Variants in ZNF135 observed in about 807,000 individuals in gnomAD.
ZNF135 encodes zinc finger protein 135, also known as zinc finger protein 135 (clone pHZ-17).
ZNF135 carries 11 observed loss-of-function variants against 12.3 expected under a neutral mutation model. The ratio of observed to expected loss-of-function variants is 0.89; its 90% CI spans 0.56 to 1.48. The LOEUF is 1.48. ZNF135 is among the 40% of genes most tolerant of loss of function. The pLI is 0.00. For missense variants in ZNF135, 722 were observed against 815.7 expected (o/e 0.89, Z 1.40); for synonymous variants, 316 against 312.0 (o/e 1.01, Z -0.14).
chr19:58,061,603 G>A lies in ZNF135; in HGVS notation c.57G>A (p.Val19=). Residue 19 remains valine, a synonymous_variant, in exon 3 of 5, where the codon GTG becomes GTA. Coordinates refer to ENST00000313434, the MANE Select transcript of ZNF135 (RefSeq NM_001289401.2). Reference sequence around the variant, plus strand: ...AGGAGCAAGTGACGTTTGAGGACGTGGTAGTGGGCTTCAGCCAGGAGGAGT... The same window carrying A: ...AGGAGCAAGTGACGTTTGAGGACGTAGTAGTGGGCTTCAGCCAGGAGGAGT... ...TDPEQVTFED[V]VVGFSQEEWG... 1 of 1,613,576 alleles carries A rather than the reference G, an allele frequency of 6.2e-7. No homozygotes were observed. Among genetic ancestry groups the A allele is most frequent in the Non-Finnish European group, 8.5e-7 (1 of 1,179,770 alleles).
Position 58,060,098 on chromosome 19 carries a change from CT to C in ZNF135, c.33+65del. ...CGTGCCCGGCCTCCTCGCGCGCGGC[CT>C]TCTCACGCCCGGCCTCCTCTTTGCA... On this transcript the variant is annotated intron_variant, in intron 2 of 4. Transcript: ENST00000313434. This position sits in a 1 kb window ranked among gnomAD's most constrained non-coding sequence, Gnocchi z 4.9. The C allele has an allele frequency of 6.2e-7, 1 of 1,605,278 alleles. No individual in the cohort carries two copies.
chr19:58,067,007 C>T lies in ZNF135; in HGVS notation c.523C>T (p.Leu175Phe), dbSNP rs751417360. ...FGENISLNPD[L>F]PHQPMTPERQ... Reference sequence around the variant, plus strand: ...GGAAAACATAAGTCTGAACCCTGATCTCCCACATCAACCAATGACTCCTGA... The same window carrying T: ...GGAAAACATAAGTCTGAACCCTGATTTCCCACATCAACCAATGACTCCTGA... The change falls in exon 5 of 5, where the codon CTC (leucine) becomes TTC (phenylalanine). Residue 175 changes from leucine to phenylalanine, a missense_variant. Leu to Phe is a conservative substitution (Grantham distance 22). Coordinates refer to ENST00000313434, the MANE Select transcript of ZNF135 (RefSeq NM_001289401.2). The T allele has an allele frequency of 1.2e-6, 2 of 1,614,196 alleles. No homozygotes were observed. Among genetic ancestry groups the T allele is most frequent in the Admixed American group, 3.3e-5 (2 of 60,032 alleles).
Position 58,067,031 on chromosome 19 carries a change from G to A in ZNF135, c.547G>A (p.Glu183Lys), listed in dbSNP as rs768046446. 1.2e-6 allele frequency: 2 copies of A among 1,614,180 alleles called. No individual in the cohort carries two copies. Among genetic ancestry groups the A allele is most frequent in the Non-Finnish European group, 1.7e-6 (2 of 1,180,032 alleles). The change falls in exon 5 of 5, where the codon GAA becomes AAA. Residue 183 changes from glutamate to lysine, a missense_variant. Glu to Lys is a moderately conservative substitution (Grantham distance 56). Coordinates refer to ENST00000313434, the MANE Select transcript of ZNF135 (RefSeq NM_001289401.2). The part of the protein sequence containing the change: ...PDLPHQPMTP[E>K]RQSPHTWGTR... The stretch of plus-strand genomic sequence containing the variant: ...TCTCCCACATCAACCAATGACTCCT[G>A]AAAGACAAAGCCCCCACACATGGGG...
intron 2 of ZNF135, among the ~76,000 whole-genome samples, chr19:58,061,094 C>T (rs896108324): frequency 2.0e-5 from 3 of 151,158 alleles, no homozygotes; most frequent in Non-Finnish European, 2.9e-5. Context: ...TGCCACTGCA[C>T]TCTAGCCTGG....
At position 58,060,176 on chromosome 19, in the gene ZNF135, G is replaced by T; in HGVS notation, c.33+141G>T. 1 of 1,520,794 alleles carries T rather than the reference G, an allele frequency of 6.6e-7. No individual in the cohort carries two copies. Among genetic ancestry groups the T allele is most frequent in the African/African-American group, 1.4e-5 (1 of 72,006 alleles). 94.2% of individuals were successfully genotyped at this position (1,520,794 alleles called of 1,614,324 possible). ...CTCCTTGTGCCCGGCCCCTACTTGC[G>T]TGCCCGGCCCCTACTCGTGCCCGGC... On this transcript the variant is annotated intron_variant, in intron 2 of 4. Coordinates refer to ENST00000313434, the MANE Select transcript of ZNF135 (RefSeq NM_001289401.2). This position sits in a 1 kb window ranked among gnomAD's most constrained non-coding sequence, Gnocchi z 4.9.
chr19:58,068,323 G>T lies in ZNF135; in HGVS notation c.1839G>T (p.Lys613Asn). The T allele has an allele frequency of 6.2e-7, 1 of 1,613,520 alleles. No individual in the cohort carries two copies. The highest frequency in any genetic ancestry group is 8.5e-7 in the Non-Finnish European group (1 of 1,179,854). Residue 613 changes from lysine to asparagine, a missense_variant, in exon 5 of 5, where the codon AAG (lysine) becomes AAT (asparagine). Lys to Asn is a moderately conservative substitution (Grantham distance 94, BLOSUM62 0). Transcript: ENST00000313434. ...EKPYECHDCGKSFRQSTHLTQ... is the reference protein window; with the variant it reads ...EKPYECHDCGNSFRQSTHLTQ... ...CCTATGAGTGTCACGATTGCGGAAA[G>T]TCCTTTAGGCAGAGCACCCACCTCA...
intron 4 of ZNF135, among the ~76,000 whole-genome samples, chr19:58,066,447 TCA>T (rs2074067233): frequency 6.6e-6 from 1 of 152,110 alleles, no homozygotes; most frequent in Non-Finnish European, 1.5e-5. Flanking sequence ...TGTGCTCCCC[TCA>T]CAGACTCCAT....
intron 2 of ZNF135, among the ~76,000 whole-genome samples, chr19:58,061,211 G>A (rs2073974505): frequency 6.6e-6 from 1 of 152,052 alleles, no homozygotes; most frequent in Non-Finnish European, 1.5e-5. Flanking sequence ...AGGCTGAAGT[G>A]CAGTGATGCA....
chr19:58,063,590 T>G lies in ZNF135; in HGVS notation c.256+49T>G. 1 of 1,610,438 alleles carries G rather than the reference T, an allele frequency of 6.2e-7. No homozygotes were observed. ...AGAGAGAAGCCTGTCCATGCTTGCT[T>G]CCTGGTTTCTCCCTCTGCATCTGCT... On this transcript the variant is annotated intron_variant, in intron 4 of 4. Transcript: ENST00000313434. This position sits in a 1 kb window ranked among gnomAD's most constrained non-coding sequence, Gnocchi z 4.4.
chr19:58,063,340 G>A lies in ZNF135; in HGVS notation c.161-106G>A. ...GGGTATGACAGCTGAAGTCACTCAG[G>A]GGTCCCCAGCCATCTGGGACCTGGA... On this transcript the variant is annotated intron_variant, in intron 3 of 4. Transcript: ENST00000313434. This position sits in a 1 kb window ranked among gnomAD's most constrained non-coding sequence, Gnocchi z 4.4. The A allele has an allele frequency of 6.6e-7, 1 of 1,507,862 alleles. No individual in the cohort carries two copies. The highest frequency in any genetic ancestry group is 8.9e-7 in the Non-Finnish European group (1 of 1,123,162). 93.4% of individuals were successfully genotyped at this position (1,507,862 alleles called of 1,614,324 possible).
In ZNF135 at chr19:58,059,824, C is replaced by A; in HGVS notation, c.-34-145C>A. 1.0e-6 allele frequency: 1 copy of A among 984,200 alleles called. No homozygotes were observed. The highest frequency in any genetic ancestry group is 1.7e-5 in the South Asian group (1 of 58,182). The allele number at this position is 984,200 out of a possible 1,614,324, so 61.0% of individuals were successfully genotyped here. A position where few individuals can be genotyped will look rare whatever the true frequency, so the allele number is the denominator to read the frequency against. ...TGCCCTTCTCCGAGCGGAGGGCCGC[C>A]CCACACACAGCAGGCGCTTAAACGG... On this transcript the variant is annotated intron_variant, in intron 1 of 4. Coordinates refer to ENST00000313434, the MANE Select transcript of ZNF135 (RefSeq NM_001289401.2). The surrounding 1 kb of genome is among the most constrained non-coding windows in gnomAD (Gnocchi z 6.5).
rs1423702283 is a variant in ZNF135, at chr19:58,067,962, C to T, written c.1478C>T (p.Pro493Leu). The T allele has an allele frequency of 6.2e-7, 1 of 1,613,952 alleles. No individual in the cohort carries two copies. The highest frequency in any genetic ancestry group is 8.5e-7 in the Non-Finnish European group (1 of 1,179,996). The change falls in exon 5 of 5, where the codon CCC (proline) becomes CTC (leucine). Residue 493 changes from proline to leucine, a missense_variant. Transcript: ENST00000313434. ...CAGCGAATCCACACAGGGGAGAAGCCCTATGAATGCAATGACTGCGGCAAG... is the reference window on the plus strand; with the variant it reads ...CAGCGAATCCACACAGGGGAGAAGCTCTATGAATGCAATGACTGCGGCAAG... ...QHQRIHTGEK[P>L]YECNDCGKAF...
At position 58,061,634 on chromosome 19, in the gene ZNF135, C is replaced by A; in HGVS notation, c.88C>A (p.Gln30Lys). The A allele has an allele frequency of 6.2e-7, 1 of 1,613,504 alleles. No individual in the cohort carries two copies. The highest frequency in any genetic ancestry group is 1.1e-5 in the South Asian group (1 of 90,954). Residue 30 changes from glutamine (Q) to lysine (K), a missense_variant, in exon 3 of 5, where the codon CAG becomes AAG. By Grantham distance (53) the Gln-to-Lys change is moderately conservative. Coordinates refer to ENST00000313434, the MANE Select transcript of ZNF135 (RefSeq NM_001289401.2). ...VVGFSQEEWG[Q>K]LKPAQRTLYR... ...GGGCTTCAGCCAGGAGGAGTGGGGGCAGCTGAAGCCTGCCCAGAGGACCCT... is the reference window on the plus strand; with the variant it reads ...GGGCTTCAGCCAGGAGGAGTGGGGGAAGCTGAAGCCTGCCCAGAGGACCCT...
rs1445666750 is a variant in ZNF135 at position 58,059,555 on chromosome 19, T to G, written c.-35+245T>G. Among the ~76,000 whole-genome samples, 4 of 152,016 alleles carry G rather than the reference T, an allele frequency of 2.6e-5. No homozygotes were observed. The highest frequency in any genetic ancestry group is 9.7e-5 in the African/African-American group (4 of 41,400). On this transcript the variant is annotated intron_variant, in intron 1 of 4. Transcript: ENST00000313434. This position sits in a 1 kb window ranked among gnomAD's most constrained non-coding sequence, Gnocchi z 6.5. The stretch of plus-strand genomic sequence containing the variant: ...GCCCAACGCCCAGCTGGACAGGAGC[T>G]GCTCCGACGGCCCCTGAGGGAACGC...
Position 58,068,716 on chromosome 19 carries a change from T to C in ZNF135, c.*255T>C, listed in dbSNP as rs1255912458. Reference sequence around the variant, plus strand: ...AATCAACACTCAGGACCTTCAGCCTTGAACGCCCATTAGTGCTATGTTATA... The same window carrying C: ...AATCAACACTCAGGACCTTCAGCCTCGAACGCCCATTAGTGCTATGTTATA... On this transcript the variant is annotated 3_prime_UTR_variant, in exon 5 of 5. Transcript: ENST00000313434. 5 of 476,252 alleles carry C rather than the reference T, an allele frequency of 1.0e-5. No individual in the cohort carries two copies. The highest frequency in any genetic ancestry group is 3.6e-5 in the Admixed American group (1 of 27,446). The allele number at this position is 476,252 out of a possible 1,614,324, so 29.5% of individuals were successfully genotyped here. A position where few individuals can be genotyped will look rare whatever the true frequency, so the allele number is the denominator to read the frequency against.
Position 58,068,918 on chromosome 19 carries a change from G to T in ZNF135, c.*457G>T, listed in dbSNP as rs1261585332. 2.4e-5 allele frequency: 4 copies of T among 166,094 alleles called. No homozygotes were observed. Among genetic ancestry groups the T allele is most frequent in the African/African-American group, 9.6e-5 (4 of 41,590 alleles). 10.3% of individuals were successfully genotyped at this position (166,094 alleles called of 1,614,324 possible). ...TGCCATTATTGCACATCACATTTTT[G>T]GGGGGGAAAGTGCTTATGAATGGTG... On this transcript the variant is annotated 3_prime_UTR_variant, in exon 5 of 5. Transcript: ENST00000313434.
rs749279954 is a variant in ZNF135, at chr19:58,067,549, G to T, written c.1065G>T (p.Gln355His). Residue 355 changes from glutamine to histidine, a missense_variant, in exon 5 of 5, where the codon CAG (glutamine) becomes CAT (histidine). Gln to His is a conservative substitution (Grantham distance 24). Transcript: ENST00000313434. ...LRIHTGEKPY[Q>H]CGECGKAFSH... Reference sequence around the variant, plus strand: ...TCCACACTGGGGAGAAACCCTATCAGTGTGGTGAGTGTGGCAAGGCCTTCA... The same window carrying T: ...TCCACACTGGGGAGAAACCCTATCATTGTGGTGAGTGTGGCAAGGCCTTCA... The T allele has an allele frequency of 3.8e-5, 61 of 1,612,566 alleles. No individual in the cohort carries two copies. Among genetic ancestry groups the T allele is most frequent in the Non-Finnish European group, 4.7e-5 (56 of 1,179,572 alleles).
rs1227414362 is a variant in ZNF135, at chr19:58,065,476, A to T, written c.257-1265A>T. Among the ~76,000 whole-genome samples, 1 of 152,210 alleles carries T rather than the reference A, an allele frequency of 6.6e-6. No homozygotes were observed. Among genetic ancestry groups the T allele is most frequent in the African/African-American group, 2.4e-5 (1 of 41,452 alleles). On this transcript the variant is annotated intron_variant, in intron 4 of 4. Coordinates refer to ENST00000313434, the MANE Select transcript of ZNF135 (RefSeq NM_001289401.2). The surrounding 1 kb of genome is among the most constrained non-coding windows in gnomAD (Gnocchi z 4.0). ...TGCCCAAAGTGTTGAGATTACAGGC[A>T]TGAGGCCCTGTGCCTGGCTAAGAAT... is the stretch of plus-strand genomic sequence containing the variant.
At chr19:58,061,347 C>T (rs2073977078) in intron 2 of ZNF135, among the ~76,000 whole-genome samples, 1 of 152,178 alleles carries the variant, frequency 6.6e-6, no homozygotes, top group Non-Finnish European at 1.5e-5. Context: ...TGCTGGCTCC[C>T]TCCATTTCTT....
Sources: allele counts gnomAD v4.1 joint callset (sites outside exome capture counted in the v4.1 genomes callset), GRCh38; gene constraint gnomAD v4.1.1; non-coding constraint Gnocchi (gnomAD v3.1); transcripts MANE v1.5; gene names NCBI Gene and HGNC (gene_info 2026-07-23, HGNC 2026-07-21).